Variants in KCNIP1 observed in about 807,000 individuals in gnomAD.
KCNIP1 encodes the protein A-type potassium channel modulatory protein KCNIP1.
A neutral mutation model predicts 33.0 loss-of-function variants in KCNIP1; 18 were observed. That is an observed-to-expected ratio of 0.55 (90% CI 0.38 to 0.81). The LOEUF (loss-of-function observed/expected upper bound fraction) is 0.81. KCNIP1 is among the 30% of genes least tolerant of loss of function. The pLI, the probability that KCNIP1 is intolerant of heterozygous loss-of-function variation, is 0.00. For synonymous variants in KCNIP1, 93 were observed against 98.3 expected (o/e 0.95, Z 0.32); for missense variants, 238 against 271.6 (o/e 0.88, Z 0.87).
Position 170,378,433 on chromosome 5 carries a change from A to G in KCNIP1, c.88+24469A>G, listed in dbSNP as rs1346339486. 7.1e-6 allele frequency: 3 copies of G among 424,396 alleles called. No homozygotes were observed. In the East Asian group the frequency reaches 1.2e-4, roughly 16 times the overall value. The allele number at this position is 424,396 out of a possible 1,614,324, so 26.3% of individuals were successfully genotyped here. On this transcript the variant is annotated intron_variant, in intron 1 of 7. Coordinates refer to the KCNIP1 transcript ENST00000377360. ...AGTGATGCAGCCGGAAACAGGTATG[A>G]GTCAGTTGAGTGGGGACAGGTAATA...
At chr5:170,730,069 T>C (rs1764143059) in intron 5 of KCNIP1, among the ~76,000 whole-genome samples, 1 of 152,202 alleles carries the variant, frequency 6.6e-6, no homozygotes, top group East Asian at 1.9e-4. Context: ...AACATTAGTA[T>C]GATATATTAA....
At position 170,367,113 on chromosome 5, in the gene KCNIP1, G is replaced by T. The variant is rs746344861; in HGVS notation, c.88+13149G>T. 8.5e-5 allele frequency among the ~76,000 whole-genome samples: 13 copies of T among 152,090 alleles called. 1 individual carries two copies. Among genetic ancestry groups the T allele is most frequent in the South Asian group, 2.1e-4 (1 of 4,832 alleles). ...GCAGGTGGATCCCTTGAGGTCAGGA[G>T]CTCGAGACCATTCTGACCACAGCGA... is the stretch of plus-strand genomic sequence containing the variant. On this transcript the variant is annotated intron_variant, in intron 1 of 7. Transcript: ENST00000377360.
At chr5:170,650,043 T>C (rs534604708) in intron 1 of KCNIP1, among the ~76,000 whole-genome samples, 6 of 152,206 alleles carry the variant, frequency 3.9e-5, no homozygotes, top group African/African-American at 1.4e-4. Context: ...TCCTGTGCAG[T>C]TGGGAGAAGG....
At chr5:170,519,037 G>A (rs898242031) in intron 1 of KCNIP1, among the ~76,000 whole-genome samples, 3 of 152,188 alleles carry the variant, frequency 2.0e-5, no homozygotes, top group African/African-American at 7.2e-5. Flanking sequence ...AGAGGCACCT[G>A]TAGAGCCTCT....
chr5:170,535,447 T>C (rs1755949774), intron 1 of KCNIP1, among the ~76,000 whole-genome samples: 1 of 152,184 alleles, frequency 6.6e-6, no homozygotes, highest in South Asian at 2.1e-4. Flanking sequence ...AGTGTACATT[T>C]ATTTGCTTCT....
intron 1 of KCNIP1, among the ~76,000 whole-genome samples, chr5:170,391,680 G>A (rs1754598843): frequency 6.6e-6 from 1 of 152,224 alleles, no homozygotes; most frequent in African/African-American, 2.4e-5. Flanking sequence ...CTGAGGTGGA[G>A]ATTTTTCTAC....
At chr5:170,706,757 G>A (rs975164701) in intron 1 of KCNIP1, among the ~76,000 whole-genome samples, 2 of 151,860 alleles carry the variant, frequency 1.3e-5, no homozygotes, top group Non-Finnish European at 2.9e-5. Flanking sequence ...TCATTTTTCC[G>A]TCTTAAAACT....
upstream of KCNIP1, among the ~76,000 whole-genome samples, chr5:170,503,812 C>A (rs1006089703): frequency 6.6e-6 from 1 of 151,938 alleles, no homozygotes. Flanking sequence ...CCCTGAACCT[C>A]ACCCATCAGC....
At chr5:170,401,106 C>T (rs888981577) in intron 1 of KCNIP1, among the ~76,000 whole-genome samples, 3 of 152,164 alleles carry the variant, frequency 2.0e-5, no homozygotes, top group African/African-American at 7.2e-5. Flanking sequence ...CCTCCTAACA[C>T]GCCTTGCTAA....
At chr5:170,396,709 C>T (rs528117405) in intron 1 of KCNIP1, among the ~76,000 whole-genome samples, 10 of 152,182 alleles carry the variant, frequency 6.6e-5, no homozygotes, top group African/African-American at 2.4e-4. Context: ...GAAAGAACCA[C>T]GAAGGGGGGT....
intron 1 of KCNIP1, among the ~76,000 whole-genome samples, chr5:170,356,952 C>G (rs1350865758): frequency 2.0e-5 from 3 of 152,126 alleles, no homozygotes; most frequent in Non-Finnish European, 4.4e-5. Flanking sequence ...CCTCCAGCCA[C>G]GTAAAACATT....
intron 1 of KCNIP1, among the ~76,000 whole-genome samples, chr5:170,556,611 G>A (rs555306095): frequency 3.4e-4 from 52 of 152,350 alleles, no homozygotes; most frequent in South Asian, 4.1e-4. Context: ...GAAAGAAGGA[G>A]GTGGGATGTG....
chr5:170,454,035 CA>C (rs1756316462), intron 1 of KCNIP1, among the ~76,000 whole-genome samples: 1 of 152,210 alleles, frequency 6.6e-6, no homozygotes, highest in South Asian at 2.1e-4. Flanking sequence ...CAGAAACTGT[CA>C]CATCATAAAG....
chr5:170,530,072 C>T (rs6885463), intron 1 of KCNIP1, among the ~76,000 whole-genome samples: 100,186 of 152,104 alleles, frequency 0.66, 34,314 homozygotes, highest in African/African-American at 0.85. Context: ...CTGACTACAG[C>T]TGGTGTATTT....
intron 1 of KCNIP1, among the ~76,000 whole-genome samples, chr5:170,397,669 G>T (rs1156581866): frequency 2.6e-5 from 4 of 152,164 alleles, no homozygotes; most frequent in Admixed American, 2.6e-4. Context: ...CATAAAATAG[G>T]TTGATGAAAA....
intron 1 of KCNIP1, among the ~76,000 whole-genome samples, chr5:170,365,159 A>G (rs1763624282): frequency 1.3e-5 from 2 of 152,090 alleles, no homozygotes; most frequent in South Asian, 2.1e-4. Context: ...GTAGGCCCTC[A>G]TTGGGAGTTG....
intron 1 of KCNIP1, among the ~76,000 whole-genome samples, chr5:170,574,924 G>T (rs1436813846): frequency 3.9e-5 from 6 of 152,202 alleles, no homozygotes; most frequent in African/African-American, 1.4e-4. Flanking sequence ...GCCAGGGTTT[G>T]TTGTTTGTTT....
At chr5:170,483,222 G>C (rs925844702) in intron 1 of KCNIP1, 6 of 371,228 alleles carry the variant, frequency 1.6e-5, no homozygotes, top group Admixed American at 1.4e-4. Flanking sequence ...AGGAACCCAG[G>C]GTGGTGGGAA....
chr5:170,385,200 C>G, intron 1 of KCNIP1: 1 of 1,176,082 alleles, frequency 8.5e-7, no homozygotes, highest in South Asian at 1.3e-5. Context: ...CGTCTTGACC[C>G]TGCTGCCTTG....
Sources: allele counts gnomAD v4.1 joint callset (sites outside exome capture counted in the v4.1 genomes callset), GRCh38; gene constraint gnomAD v4.1.1; transcripts MANE v1.5; gene names NCBI Gene and HGNC (gene_info 2026-07-23, HGNC 2026-07-21).